SORCS3: variants seen among roughly 807,000 people sequenced by gnomAD.
SORCS3 encodes the protein sortilin related VPS10 domain containing receptor 3, also known as VPS10 domain-containing receptor SorCS3.
SORCS3 carries 57 observed loss-of-function variants against 146.3 expected under a neutral mutation model. The ratio of observed to expected loss-of-function variants is 0.39; its 90% confidence interval spans 0.31 to 0.49. The LOEUF is 0.49. Among genes scored for constraint, SORCS3 ranks in the 20% least tolerant of loss-of-function variants. The pLI is 0.92. For missense variants in SORCS3, 1,341 were observed against 1,575.5 expected, an observed-to-expected ratio of 0.85 and a Z score of 2.52; for synonymous variants, 653 against 618.5, an observed-to-expected ratio of 1.06 and a Z score of -0.83.
At position 105,090,411 on chromosome 10, in the gene SORCS3, C is replaced by T. The variant is rs116733266; in HGVS notation, c.1093+572C>T. Among the ~76,000 whole-genome samples, 1,331 of 152,254 alleles carry T rather than the reference C, an allele frequency of 8.7e-3. 14 individuals are homozygous for T. The highest frequency in any genetic ancestry group is 0.022 in the African/African-American group (923 of 41,546). On this transcript the variant is annotated intron_variant, in intron 6 of 26. Coordinates refer to ENST00000369701, the MANE Select transcript of SORCS3 (RefSeq NM_014978.3). ...ATTTCAGGATTTTAAACACATGACC[C>T]GCTGTGTACCTTGTTCAGCTGTGTA...
intron 3 of SORCS3, among the ~76,000 whole-genome samples, chr10:104,923,354 T>C (rs952464145): frequency 2.6e-5 from 4 of 152,084 alleles, no homozygotes; most frequent in African/African-American, 9.7e-5. Flanking sequence ...GGAAGTGTAA[T>C]CCTCATAGCT....
chr10:104,882,818 AG>A (rs1270167904), intron 2 of SORCS3, among the ~76,000 whole-genome samples: 1 of 152,216 alleles, frequency 6.6e-6, no homozygotes, highest in Admixed American at 6.5e-5. Flanking sequence ...ATATCAGAAA[AG>A]CTAGTGAACA....
chr10:104,655,209 C>T (rs1195834546), intron 1 of SORCS3, among the ~76,000 whole-genome samples: 6 of 145,454 alleles, frequency 4.1e-5, no homozygotes, highest in Admixed American at 7.0e-5. Flanking sequence ...GCAGAGATCA[C>T]ATCACTGCAC....
intron 6 of SORCS3, among the ~76,000 whole-genome samples, chr10:105,094,188 G>A (rs1289902425): frequency 6.6e-6 from 1 of 152,126 alleles, no homozygotes; most frequent in East Asian, 1.9e-4. Flanking sequence ...GAATTTACTG[G>A]TGGTTTCCAG....
intron 4 of SORCS3, among the ~76,000 whole-genome samples, chr10:105,018,500 G>A (rs2055181103): frequency 6.6e-6 from 1 of 152,170 alleles, no homozygotes; most frequent in Non-Finnish European, 1.5e-5. Context: ...AGGGGTTGCT[G>A]GTAGATGCAG....
chr10:105,014,809 G>A (rs924268038), intron 4 of SORCS3, among the ~76,000 whole-genome samples: 1 of 152,136 alleles, frequency 6.6e-6, no homozygotes, highest in South Asian at 2.1e-4. Flanking sequence ...AGAGATCAAA[G>A]TTCTCCTCTT....
chr10:105,028,193 A>G (rs879581784), intron 4 of SORCS3, among the ~76,000 whole-genome samples: 4 of 152,176 alleles, frequency 2.6e-5, no homozygotes, highest in African/African-American at 9.7e-5. Flanking sequence ...TGTAAACTCC[A>G]TGGAGTCAGG....
intron 2 of SORCS3, among the ~76,000 whole-genome samples, chr10:104,895,445 A>C (rs114846000): frequency 6.6e-6 from 1 of 152,270 alleles, no homozygotes; most frequent in East Asian, 1.9e-4. Flanking sequence ...CACTAACAAC[A>C]GGGAGAAAAA....
Position 105,167,298 on chromosome 10 carries a change from G to A in SORCS3, c.1850G>A (p.Gly617Asp), listed in dbSNP as rs759550200. The A allele has an allele frequency of 1.2e-6, 2 of 1,613,486 alleles. No individual in the cohort carries two copies. Among genetic ancestry groups the A allele is most frequent in the South Asian group, 1.1e-5 (1 of 91,054 alleles). ...EEYNVWFLDW[G>D]GALVAMKHTP... ...TACAATGTCTGGTTCCTAGACTGGGGTGGTGCCCTCGTGGCCATGAAACAC... is the reference window on the plus strand; with the variant it reads ...TACAATGTCTGGTTCCTAGACTGGGATGGTGCCCTCGTGGCCATGAAACAC... Residue 617 changes from glycine (G) to aspartate (D), a missense_variant, in exon 13 of 27, where the codon GGT becomes GAT. By Grantham distance (94) the Gly-to-Asp change is moderately conservative. Coordinates refer to ENST00000369701, the MANE Select transcript of SORCS3 (RefSeq NM_014978.3).
intron 25 of SORCS3, among the ~76,000 whole-genome samples, chr10:105,257,591 G>A (rs1379094353): frequency 1.3e-5 from 2 of 152,072 alleles, no homozygotes; most frequent in Non-Finnish European, 2.9e-5. Context: ...CTTCTACTAG[G>A]ATGTATACTA....
At chr10:104,697,269 A>G (rs1319866763) in intron 1 of SORCS3, among the ~76,000 whole-genome samples, 2 of 152,202 alleles carry the variant, frequency 1.3e-5, no homozygotes, top group African/African-American at 4.8e-5. Context: ...CCATTTAAAC[A>G]TATGACCGTG....
intron 2 of SORCS3, among the ~76,000 whole-genome samples, chr10:104,902,299 C>T (rs1049470573): frequency 5.3e-5 from 8 of 152,200 alleles, no homozygotes; most frequent in Admixed American, 5.2e-4. Flanking sequence ...TCAGCACCTT[C>T]ACTTGCCCAG....
At chr10:105,252,709 C>T (rs2056908043) in intron 22 of SORCS3, 66 bp from the exon 23 acceptor site, 1 of 1,604,492 alleles carries the variant, frequency 6.2e-7, no homozygotes, top group African/African-American at 1.3e-5. Flanking sequence ...GCACACTCTG[C>T]TCTTGTCATT....
intron 3 of SORCS3, 59 bp downstream of exon 3, chr10:104,915,991 G>A (rs545548285): frequency 7.5e-7 from 1 of 1,340,408 alleles, no homozygotes; most frequent in East Asian, 2.3e-5. Flanking sequence ...GCTGATTAGG[G>A]CCAGAGGTTA....
intron 18 of SORCS3, among the ~76,000 whole-genome samples, 170 bp downstream of exon 18, chr10:105,214,783 T>A (rs1182296975): frequency 2.0e-5 from 3 of 152,198 alleles, no homozygotes; most frequent in Non-Finnish European, 4.4e-5. Flanking sequence ...GGGTATTTAC[T>A]GACCCTCCTC....
chr10:104,785,065 C>T (rs547059264), intron 1 of SORCS3, among the ~76,000 whole-genome samples: 4,472 of 151,514 alleles, frequency 0.03, 85 homozygotes, highest in Middle Eastern at 0.045. Context: ...GGCGGCTGGC[C>T]GGGCAGGGGG....
intron 20 of SORCS3, among the ~76,000 whole-genome samples, chr10:105,236,467 C>T (rs969164788): frequency 1.3e-5 from 2 of 152,072 alleles, no homozygotes; most frequent in East Asian, 3.9e-4. Flanking sequence ...GTTCATTTCT[C>T]CTGTGCAGAT....
At chr10:104,977,271 A>T in intron 3 of SORCS3, 64 bp from the exon 4 acceptor site, 1 of 1,327,148 alleles carries the variant, frequency 7.5e-7, no homozygotes, top group South Asian at 1.6e-5. Context: ...TTTATGATTA[A>T]AGTTATTATA....
intron 2 of SORCS3, among the ~76,000 whole-genome samples, chr10:104,866,729 G>A (rs1028094170): frequency 1.1e-4 from 16 of 152,112 alleles, no homozygotes; most frequent in Non-Finnish European, 4.4e-5. Flanking sequence ...TCTCTCAACA[G>A]TTTGGAAAAG....
Sources: gnomAD v4.1 joint callset for allele counts (sites outside exome capture counted in the v4.1 genomes callset) on GRCh38, gnomAD v4.1.1 for gene constraint, MANE v1.5 for transcripts, NCBI Gene and HGNC (gene_info 2026-07-23, HGNC 2026-07-21) for gene names.